Variants in RMDN2 observed in about 807,000 individuals in gnomAD.
RMDN2 encodes the protein regulator of microtubule dynamics 2.
A neutral mutation model predicts 52.8 loss-of-function variants in RMDN2; 61 were observed. The ratio of observed to expected loss-of-function variants is 1.16; its 90% CI spans 0.94 to 1.43. The LOEUF is 1.43. Ranked by LOEUF, RMDN2 falls within the 40% of genes most tolerant of loss-of-function variation. The pLI is 0.00. For missense variants in RMDN2, 592 were observed against 475.3 expected (o/e 1.25, Z -2.28); for synonymous variants, 180 against 153.1 (o/e 1.18, Z -1.30).
At chr2:38,060,472 A>G (rs1682003800) in intron 10 of RMDN2, among the ~76,000 whole-genome samples, 1 of 152,166 alleles carries the variant, frequency 6.6e-6, no homozygotes, top group Non-Finnish European at 1.5e-5. Context: ...CTAGAATGCC[A>G]ACTGGATTTG....
intron 10 of RMDN2, among the ~76,000 whole-genome samples, chr2:38,012,832 C>A (rs1400804128): frequency 2.0e-5 from 3 of 152,204 alleles, no homozygotes; most frequent in Non-Finnish European, 4.4e-5. Flanking sequence ...AGAGGACAAC[C>A]TAGCCATCAG....
At chr2:38,002,838 A>G (rs568271486) in intron 8 of RMDN2, 1 of 152,368 alleles carries the variant, frequency 6.6e-6, no homozygotes, top group South Asian at 2.1e-4. Context: ...TAAATTTTTA[A>G]AAGTATCCTC....
At chr2:38,063,178 C>T (rs1411226779) in intron 10 of RMDN2, among the ~76,000 whole-genome samples, 1 of 152,152 alleles carries the variant, frequency 6.6e-6, no homozygotes, top group Non-Finnish European at 1.5e-5. Flanking sequence ...TTCTAGATCC[C>T]TCAGGAATCG....
intron 5 of RMDN2, among the ~76,000 whole-genome samples, chr2:37,986,130 T>C (rs1034048307): frequency 9.9e-5 from 15 of 152,132 alleles, no homozygotes; most frequent in Non-Finnish European, 7.4e-5. Context: ...ATAATGCCCA[T>C]GACAAAAATA....
At chr2:37,952,266 A>C in intron 2 of RMDN2, 1 of 1,461,774 alleles carries the variant, frequency 6.8e-7, no homozygotes, top group Non-Finnish European at 9.4e-7. Context: ...AGTCACTTTC[A>C]TAGCCTGTAG....
chr2:37,951,425 A>G (rs1161316566), intron 2 of RMDN2: 3 of 1,612,530 alleles, frequency 1.9e-6, no homozygotes, highest in Admixed American at 1.7e-5. Context: ...TATCAAGTCC[A>G]TCTTTCTCTG....
intron 2 of RMDN2, among the ~76,000 whole-genome samples, chr2:37,963,721 A>G (rs1270729736): frequency 6.6e-6 from 1 of 152,194 alleles, no homozygotes; most frequent in Non-Finnish European, 1.5e-5. Flanking sequence ...ACTTCTTTCT[A>G]CACAGACACA....
At chr2:38,063,854 G>A (rs191854102) in intron 10 of RMDN2, among the ~76,000 whole-genome samples, 112 of 152,186 alleles carry the variant, frequency 7.4e-4, no homozygotes, top group Non-Finnish European at 1.3e-3. Context: ...TATCAGTTTT[G>A]TCATTTTTTT....
At chr2:38,033,227 C>A (rs1303081231) in intron 10 of RMDN2, 4 of 152,190 alleles carry the variant, frequency 2.6e-5, no homozygotes, top group Non-Finnish European at 5.9e-5. Flanking sequence ...CCAAAAGCAC[C>A]TTTGTTAGTT....
chr2:37,922,352 C>T (rs1463398463), upstream of RMDN2, among the ~76,000 whole-genome samples: 2 of 150,996 alleles, frequency 1.3e-5, no homozygotes, highest in Non-Finnish European at 2.9e-5. Flanking sequence ...ATATTGGTAA[C>T]TGTTAAAGGG....
intron 2 of RMDN2, among the ~76,000 whole-genome samples, chr2:37,946,283 TC>T (rs1668214702): frequency 1.3e-5 from 2 of 152,168 alleles, no homozygotes; most frequent in Admixed American, 6.5e-5. Context: ...TTGAAAGAGT[TC>T]CTGCCTTATA....
intron 8 of RMDN2, among the ~76,000 whole-genome samples, chr2:37,998,823 G>C (rs1675928071): frequency 6.6e-6 from 1 of 152,058 alleles, no homozygotes. Context: ...CAATACCTCA[G>C]GAACTTAATT....
chr2:38,039,922 TCTC>T (rs533251395), intron 10 of RMDN2, among the ~76,000 whole-genome samples: 130 of 152,228 alleles, frequency 8.5e-4, no homozygotes, highest in South Asian at 2.9e-3. Context: ...CTTTTTAGCA[TCTC>T]CTCCTCTTTG....
chr2:37,947,496 G>T (rs935227780), intron 2 of RMDN2, among the ~76,000 whole-genome samples: 1 of 152,124 alleles, frequency 6.6e-6, no homozygotes, highest in Non-Finnish European at 1.5e-5. Context: ...GCAGACAGCT[G>T]TGTCATCTGA....
At chr2:38,030,790 A>T (rs1680142669) in intron 10 of RMDN2, 1 of 152,242 alleles carries the variant, frequency 6.6e-6, no homozygotes. Flanking sequence ...TAAGACTGTG[A>T]AGACTAAGCC....
chr2:37,934,497 T>A (rs1160747849), intron 2 of RMDN2, among the ~76,000 whole-genome samples: 1 of 152,210 alleles, frequency 6.6e-6, no homozygotes, highest in Non-Finnish European at 1.5e-5. Flanking sequence ...TTGGAAAGCA[T>A]CTTTGCTTCT....
chr2:37,930,685 G>A (rs965534439), intron 2 of RMDN2, among the ~76,000 whole-genome samples: 1 of 152,198 alleles, frequency 6.6e-6, no homozygotes, highest in Non-Finnish European at 1.5e-5. Flanking sequence ...TGGGTGAGCA[G>A]AGAGGCCCCC....
Position 37,951,603 on chromosome 2 carries a change from C to T in RMDN2, c.452+21874C>T, listed in dbSNP as rs111419892. 6.8e-6 allele frequency: 11 copies of T among 1,613,248 alleles called. No individual in the cohort carries two copies. The highest frequency in any genetic ancestry group is 6.7e-5 in the Admixed American group (4 of 59,908). On this transcript the variant is annotated intron_variant, in intron 2 of 10. Transcript: ENST00000354545. ...TTCCCGCAGAAGACGTTTCTCATCC[C>T]GTAAACTAAGTATAGTTTCCTATTA...
upstream of RMDN2, among the ~76,000 whole-genome samples, chr2:37,921,703 C>G (rs1666036140): frequency 6.6e-6 from 1 of 152,054 alleles, no homozygotes. Context: ...TCTGGGGGTC[C>G]AAGATGGGCT....
Sources: allele counts gnomAD v4.1 joint callset (sites outside exome capture counted in the v4.1 genomes callset), GRCh38; gene constraint gnomAD v4.1.1; transcripts MANE v1.5; gene names NCBI Gene and HGNC (gene_info 2026-07-23, HGNC 2026-07-21).